ABI1: variants seen among roughly 807,000 people sequenced by gnomAD.
ABI1 encodes abl interactor 1, also known as Abelson interactor 1.
ABI1 carries 14 observed loss-of-function variants against 54.6 expected under a neutral mutation model. The ratio of observed to expected loss-of-function variants is 0.26; its 90% CI spans 0.17 to 0.40. The LOEUF is 0.40. ABI1 is among the 10% of genes least tolerant of loss of function. The pLI is 1.00. For missense variants in ABI1, 443 were observed against 598.3 expected (o/e 0.74, Z 2.71); for synonymous variants, 194 against 209.3 (o/e 0.93, Z 0.63).
At chr10:26,831,873 T>C (rs1294618830) in intron 1 of ABI1, among the ~76,000 whole-genome samples, 1 of 152,198 alleles carries the variant, frequency 6.6e-6, no homozygotes, top group Non-Finnish European at 1.5e-5. Flanking sequence ...TAAAATAACG[T>C]TGCACAGCTA....
intron 1 of ABI1, among the ~76,000 whole-genome samples, chr10:26,857,281 A>G (rs902844520): frequency 4.5e-5 from 6 of 134,682 alleles, no homozygotes; most frequent in Admixed American, 9.0e-5. Context: ...AGATCGCACC[A>G]TTGCACTCCA....
chr10:26,812,079 T>C (rs2047276982), intron 2 of ABI1, among the ~76,000 whole-genome samples: 1 of 152,200 alleles, frequency 6.6e-6, no homozygotes, highest in African/African-American at 2.4e-5. Context: ...TCTGCTCTTC[T>C]ATGTCAAATC....
chr10:26,782,368 CAAA>C lies in ABI1; in HGVS notation c.286-5130_286-5128del, dbSNP rs534966722. ...TCAGCTCAAAAAACCTCAACAACAA[CAAA>C]AAAAAAAACCCGACTCAAAAATGGG... On this transcript the variant is annotated intron_variant, in intron 2 of 10. Coordinates refer to ENST00000376140, the MANE Select transcript of ABI1 (RefSeq NM_001012750.3). 4.0e-3 allele frequency among the ~76,000 whole-genome samples: 592 copies of C among 149,116 alleles called. 3 individuals carry two copies. Among genetic ancestry groups the C allele is most frequent in the African/African-American group, 0.013 (554 of 41,260 alleles).
intron 1 of ABI1, among the ~76,000 whole-genome samples, chr10:26,858,791 G>T (rs548380373): frequency 1.3e-5 from 2 of 151,988 alleles, no homozygotes; most frequent in South Asian, 4.2e-4. Flanking sequence ...ACACAGACAG[G>T]TTAAAACACG....
chr10:26,803,875 T>G (rs926488016), intron 2 of ABI1, among the ~76,000 whole-genome samples: 1 of 151,992 alleles, frequency 6.6e-6, no homozygotes, highest in African/African-American at 2.4e-5. Context: ...TCATTAAACT[T>G]AACCTCAAAA....
intron 2 of ABI1, among the ~76,000 whole-genome samples, chr10:26,795,692 A>G (rs1266579758): frequency 6.6e-6 from 1 of 152,168 alleles, no homozygotes; most frequent in Non-Finnish European, 1.5e-5. Context: ...TTTAACCGAG[A>G]AGGTTAAAGA....
chr10:26,768,663 AAAAAC>A (rs1316296577), intron 6 of ABI1, among the ~76,000 whole-genome samples, 184 bp downstream of exon 6: 2 of 152,242 alleles, frequency 1.3e-5, no homozygotes, highest in Non-Finnish European at 2.9e-5. Context: ...AAAAAGTTAA[AAAAAC>A]AAAACAAAAC....
In ABI1 at chr10:26,823,157, G is replaced by T; in HGVS notation, c.266C>A (p.Ser89Tyr). ...TGTTACCTGTGAGATATGATTGATG[G>T]AAGACTCCATTCTCCGAAGCTGAGA... ...QASQLRRMES[S>Y]INHISQTVDI... The change falls in exon 2 of 11, where the codon TCC becomes TAC. Residue 89 changes from serine (S) to tyrosine (Y), a missense_variant. Coordinates refer to ENST00000376140, the MANE Select transcript of ABI1 (RefSeq NM_001012750.3). 1.3e-6 allele frequency: 2 copies of T among 1,597,374 alleles called. No individual in the cohort carries two copies. The highest frequency in any genetic ancestry group is 1.7e-6 in the Non-Finnish European group (2 of 1,175,188).
At chr10:26,843,912 T>C (rs2049783154) in intron 1 of ABI1, among the ~76,000 whole-genome samples, 1 of 152,222 alleles carries the variant, frequency 6.6e-6, no homozygotes, top group Non-Finnish European at 1.5e-5. Context: ...ATCTTATATT[T>C]AACCACTCAT....
chr10:26,773,067 C>T (rs181206196), intron 3 of ABI1, among the ~76,000 whole-genome samples: 3 of 151,962 alleles, frequency 2.0e-5, no homozygotes, highest in African/African-American at 4.8e-5. Flanking sequence ...TTAAAAAAAT[C>T]TCACTTTGTT....
intron 2 of ABI1, among the ~76,000 whole-genome samples, chr10:26,804,337 C>A (rs1468203945): frequency 6.6e-6 from 1 of 151,090 alleles, no homozygotes; most frequent in Non-Finnish European, 1.5e-5. Context: ...GAGCTTAGAT[C>A]GCACCACTGC....
intron 2 of ABI1, among the ~76,000 whole-genome samples, chr10:26,786,342 G>A (rs1004471934): frequency 4.6e-5 from 7 of 151,880 alleles, no homozygotes; most frequent in African/African-American, 1.7e-4. Flanking sequence ...TGACTCCCGA[G>A]TAGCTGGGAC....
chr10:26,751,446 T>A, intron 10 of ABI1, 152 bp downstream of exon 10: 1 of 692,678 alleles, frequency 1.4e-6, no homozygotes, highest in Non-Finnish European at 2.2e-6. Flanking sequence ...CTGGGAATAA[T>A]ACAAAACTTA....
chr10:26,771,239 G>T, intron 3 of ABI1, 150 bp from the exon 4 acceptor site: 1 of 774,104 alleles, frequency 1.3e-6, no homozygotes, highest in South Asian at 1.7e-5. Flanking sequence ...AAGAAAAAGA[G>T]ATCCATACGT....
chr10:26,794,862 G>C (rs972191541), intron 2 of ABI1, among the ~76,000 whole-genome samples: 2 of 151,978 alleles, frequency 1.3e-5, no homozygotes, highest in Admixed American at 1.3e-4. Flanking sequence ...TGTTACTTAG[G>C]GCCAGGAGTG....
chr10:26,807,295 G>A (rs1048286944), intron 2 of ABI1, among the ~76,000 whole-genome samples: 4 of 152,104 alleles, frequency 2.6e-5, no homozygotes, highest in African/African-American at 7.2e-5. Context: ...GCAACATGGT[G>A]AAACCCCATC....
intron 9 of ABI1, among the ~76,000 whole-genome samples, chr10:26,754,363 A>G (rs1838008016): frequency 6.6e-6 from 1 of 152,118 alleles, no homozygotes; most frequent in Non-Finnish European, 1.5e-5. Context: ...GCCCAGGCTG[A>G]TTATTCATAT....
chr10:26,842,260 C>T (rs1310817875), intron 1 of ABI1, among the ~76,000 whole-genome samples: 1 of 152,062 alleles, frequency 6.6e-6, no homozygotes, highest in Non-Finnish European at 1.5e-5. Context: ...AGTCTTTTGC[C>T]CATTTTCTAA....
rs117396484 is a variant in ABI1 at position 26,798,311 on chromosome 10, G to C, written c.286-21070C>G. On this transcript the variant is annotated intron_variant, in intron 2 of 10. Coordinates refer to ENST00000376140, the MANE Select transcript of ABI1 (RefSeq NM_001012750.3). ...GAGACGGGGTGCTATCCAGTATTGG[G>C]GGGGGTGAATCAAATGAAATCACGA... 9.2e-5 allele frequency among the ~76,000 whole-genome samples: 14 copies of C among 152,100 alleles called. 1 individual carries two copies. The highest frequency in any genetic ancestry group is 3.1e-4 in the African/African-American group (13 of 41,486).
Sources: gnomAD v4.1 joint callset for allele counts (sites outside exome capture counted in the v4.1 genomes callset) on GRCh38, gnomAD v4.1.1 for gene constraint, MANE v1.5 for transcripts, NCBI Gene and HGNC (gene_info 2026-07-23, HGNC 2026-07-21) for gene names.